The following ZYG11B variants were observed in gnomAD, a reference collection of about 807,000 sequenced individuals.
ZYG11B encodes zyg-11 family member B, cell cycle regulator.
ZYG11B carries 36 observed loss-of-function variants against 82.4 expected under a neutral mutation model. The observed-to-expected ratio is 0.44, with a 90% CI of 0.33 to 0.58. ZYG11B has a LOEUF of 0.58. Ranked by LOEUF, ZYG11B falls within the 20% of genes least tolerant of loss-of-function variation. The pLI is 0.02. For missense variants in ZYG11B, 552 were observed against 895.6 expected (o/e 0.62, Z 4.90); for synonymous variants, 303 against 312.8 (o/e 0.97, Z 0.33).
chr1:52,803,203 TAC>T (rs1186109870), intron 10 of ZYG11B, among the ~76,000 whole-genome samples: 12,318 of 81,968 alleles, frequency 0.15, 2,062 homozygotes, highest in East Asian at 0.26. Flanking sequence ...TATATATATA[TAC>T]ACACACATAT....
At chr1:52,765,923 TTTAAA>T (rs1414163968) in intron 2 of ZYG11B, among the ~76,000 whole-genome samples, 32 of 152,310 alleles carry the variant, frequency 2.1e-4, no homozygotes. Context: ...GTTCTTGTTA[TTTAAA>T]TTAGGTAATT....
intron 1 of ZYG11B, 111 bp downstream of exon 1, chr1:52,726,794 C>T: frequency 8.9e-7 from 1 of 1,124,810 alleles, no homozygotes; most frequent in Non-Finnish European, 1.2e-6. Context: ...CCCTCGGGCT[C>T]CCTGCCTTTA....
rs1262801197 is a variant in ZYG11B, at chr1:52,826,925, A to T, written c.*5296A>T. The stretch of plus-strand genomic sequence containing the variant: ...GAAGCTACTTAGCTAATGAAAGCTG[A>T]GACACTTTATTAAAAGCAGGATCTT... On this transcript the variant is annotated 3_prime_UTR_variant, in exon 14 of 14. Coordinates refer to ENST00000294353, the MANE Select transcript of ZYG11B (RefSeq NM_024646.3). 2 of 152,212 alleles carry T rather than the reference A, an allele frequency of 1.3e-5. No homozygotes were observed. The highest frequency in any genetic ancestry group is 4.8e-5 in the African/African-American group (2 of 41,456). 9.4% of individuals were successfully genotyped at this position (152,212 alleles called of 1,614,324 possible).
At chr1:52,772,290 G>GCT in intron 3 of ZYG11B, 1 of 1,341,346 alleles carries the variant, frequency 7.5e-7, no homozygotes, top group African/African-American at 1.4e-5. Context: ...GGTGAATCTG[G>GCT]CTCTCTATCA....
intron 10 of ZYG11B, among the ~76,000 whole-genome samples, chr1:52,808,120 T>G (rs1288908417): frequency 6.6e-6 from 1 of 152,114 alleles, no homozygotes; most frequent in Non-Finnish European, 1.5e-5. Context: ...CCCAGCACTT[T>G]GGGAGGCCAA....
At chr1:52,815,393 G>A (rs758024191) in intron 12 of ZYG11B, among the ~76,000 whole-genome samples, 9 of 152,012 alleles carry the variant, frequency 5.9e-5, no homozygotes, top group Non-Finnish European at 1.3e-4. Context: ...CCACCACTTC[G>A]GAAGGCCAAG....
chr1:52,749,606 A>AT (rs987581603), intron 1 of ZYG11B, among the ~76,000 whole-genome samples: 38 of 151,940 alleles, frequency 2.5e-4, no homozygotes, highest in African/African-American at 8.0e-4. Flanking sequence ...ATTTTTTTTT[A>AT]TTTTTTATTT....
chr1:52,823,074 C>CA lies in ZYG11B; in HGVS notation c.*1448dup, dbSNP rs1455477289. 2 of 152,054 alleles carry CA rather than the reference C, an allele frequency of 1.3e-5. No individual in the cohort carries two copies. The highest frequency in any genetic ancestry group is 2.9e-5 in the Non-Finnish European group (2 of 68,020). 9.4% of individuals were successfully genotyped at this position (152,054 alleles called of 1,614,324 possible). On this transcript the variant is annotated 3_prime_UTR_variant, in exon 14 of 14. Coordinates refer to ENST00000294353, the MANE Select transcript of ZYG11B (RefSeq NM_024646.3). ...TTAGTTCACTGATGACATTTTTTGACAAACATTTTATACCATTATCACAAT... is the reference window on the plus strand; with the variant it reads ...TTAGTTCACTGATGACATTTTTTGACAAAACATTTTATACCATTATCACAAT...
Position 52,772,677 on chromosome 1 carries a change from T to A in ZYG11B, c.951+903T>A, listed in dbSNP as rs1644764522. The stretch of plus-strand genomic sequence containing the variant: ...GGCGGCGATCAGGCAACGAAAGGCT[T>A]GTTTTTTTTTTTTCTTTTGAGACGG... On this transcript the variant is annotated intron_variant, in intron 3 of 13. Transcript: ENST00000294353. 3 of 756,148 alleles carry A rather than the reference T, an allele frequency of 4.0e-6. No homozygotes were observed. In the South Asian group the frequency reaches 4.4e-5, roughly 11 times the overall value. 46.8% of individuals were successfully genotyped at this position (756,148 alleles called of 1,614,324 possible).
At chr1:52,783,997 T>TATATAGAG (rs543071878) in intron 4 of ZYG11B, among the ~76,000 whole-genome samples, 16 of 142,300 alleles carry the variant, frequency 1.1e-4, no homozygotes, top group African/African-American at 4.4e-4. Flanking sequence ...TATATATATA[T>TATATAGAG]AGAGAGAGAG....
intron 3 of ZYG11B, among the ~76,000 whole-genome samples, chr1:52,776,229 A>AAAAAAAAAAAAAATATATATATATAT: frequency 2.1e-4 from 5 of 23,536 alleles, no homozygotes; most frequent in East Asian, 6.7e-4. Flanking sequence ...TAAAAAAAAA[A>AAAAAAAAAAAAAATATATATATATAT]ATATATATAT....
chr1:52,742,850 A>T (rs902578601), intron 1 of ZYG11B, among the ~76,000 whole-genome samples: 49 of 151,668 alleles, frequency 3.2e-4, no homozygotes, highest in Non-Finnish European at 5.9e-4. Flanking sequence ...TCAAAAAAAA[A>T]AAAAAAGAGT....
intron 3 of ZYG11B, among the ~76,000 whole-genome samples, chr1:52,775,152 C>A (rs76453035): frequency 0.017 from 2,556 of 151,780 alleles, 34 homozygotes; most frequent in Middle Eastern, 0.065. Flanking sequence ...CCTCATCTTC[C>A]AGGCTTCTAA....
At chr1:52,789,960 G>C in intron 5 of ZYG11B, 43 bp from the exon 6 acceptor site, 1 of 1,383,490 alleles carries the variant, frequency 7.2e-7, no homozygotes, top group Non-Finnish European at 1.0e-6. Flanking sequence ...ATATAACAAA[G>C]TGATATTTTA....
intron 1 of ZYG11B, among the ~76,000 whole-genome samples, chr1:52,753,450 C>T (rs1413452178): frequency 2.8e-5 from 4 of 143,898 alleles, no homozygotes; most frequent in African/African-American, 5.1e-5. Flanking sequence ...GACAGAGTCT[C>T]GCTCTGTCAC....
intron 4 of ZYG11B, among the ~76,000 whole-genome samples, chr1:52,783,882 A>G (rs116249379): frequency 0.31 from 38,082 of 123,268 alleles, 7,257 homozygotes; most frequent in East Asian, 0.53. Flanking sequence ...ACGTGTGTGT[A>G]TATGTACATA....
At chr1:52,792,812 C>A (rs1326995860) in intron 6 of ZYG11B, among the ~76,000 whole-genome samples, 1 of 152,118 alleles carries the variant, frequency 6.6e-6, no homozygotes, top group Non-Finnish European at 1.5e-5. Flanking sequence ...ATCCTCATGA[C>A]AACCCTATGG....
At chr1:52,790,773 C>CTTTTTT in intron 6 of ZYG11B, among the ~76,000 whole-genome samples, 58 of 77,656 alleles carry the variant, frequency 7.5e-4, no homozygotes, top group South Asian at 2.3e-3. Context: ...GTCCAGTGTT[C>CTTTTTT]TTTTTTTTTT....
intron 12 of ZYG11B, among the ~76,000 whole-genome samples, chr1:52,815,798 G>A (rs1475988900): frequency 1.3e-5 from 2 of 150,588 alleles, no homozygotes; most frequent in African/African-American, 2.4e-5. Context: ...AGCCGGGCGT[G>A]GTGGCAGGCG....
Sources: gnomAD v4.1 joint callset for allele counts (sites outside exome capture counted in the v4.1 genomes callset) on GRCh38, gnomAD v4.1.1 for gene constraint, MANE v1.5 for transcripts, NCBI Gene and HGNC (gene_info 2026-07-23, HGNC 2026-07-21) for gene names.